The following SORCS1 variants were observed in gnomAD, a reference collection of about 807,000 sequenced individuals.
SORCS1 encodes the protein VPS10 domain-containing receptor SorCS1.
A neutral mutation model predicts 146.1 loss-of-function variants in SORCS1; 60 were observed. That is an observed-to-expected ratio of 0.41 (90% confidence interval 0.33 to 0.51). SORCS1 has a LOEUF of 0.51. Ranked by LOEUF, SORCS1 falls within the 20% of genes least tolerant of loss-of-function variation. The pLI, the probability that SORCS1 is intolerant of heterozygous loss-of-function variation, is 0.21. For synonymous variants in SORCS1, 637 were observed against 584.0 expected (o/e 1.09, Z -1.31); for missense variants, 1,352 against 1,487.6 (o/e 0.91, Z 1.50).
rs557233002 is a variant in SORCS1, at chr10:106,829,646, C to T, written c.654G>A (p.Glu218=). The T allele has an allele frequency of 1.2e-6, 2 of 1,607,324 alleles. No individual in the cohort carries two copies. The highest frequency in any genetic ancestry group is 1.3e-5 in the African/African-American group (1 of 74,960). Residue 218 remains glutamate, a synonymous_variant, in exon 3 of 26, where the codon GAG becomes GAA. Transcript: ENST00000263054. The stretch of plus-strand genomic sequence containing the variant: ...TCAAACCAACTTTATCATTCAGCTT[C>T]TCATAGGTTGTTCCATAATCGGTTG... ...WRSTDYGTTY[E]KLNDKVGLKT...
At chr10:106,888,273 G>C (rs753151705) in intron 2 of SORCS1, among the ~76,000 whole-genome samples, 1 of 152,162 alleles carries the variant, frequency 6.6e-6, no homozygotes, top group African/African-American at 2.4e-5. Flanking sequence ...TAACTTCATA[G>C]TCTCCTTATA....
the SORCS1 span, among the ~76,000 whole-genome samples, chr10:107,177,257 G>T: frequency 6.6e-6 from 1 of 151,896 alleles, no homozygotes; most frequent in Admixed American, 6.6e-5. Context: ...GTCATTCTTT[G>T]TCTTTCTTAT....
In SORCS1 at chr10:107,121,617, T is replaced by TA. The variant is rs536852436; in HGVS notation, c.558+42351dup. 7.4e-3 allele frequency among the ~76,000 whole-genome samples: 1,070 copies of TA among 144,878 alleles called. 5 individuals are homozygous for TA. The highest frequency in any genetic ancestry group is 0.012 in the African/African-American group (477 of 39,830). ...AACATTATCAAACATGATTCTACAG[T>TA]AAAAAAAAAAAATCACAGGGTATTA... On this transcript the variant is annotated intron_variant, in intron 1 of 25. Coordinates refer to ENST00000263054, the MANE Select transcript of SORCS1 (RefSeq NM_052918.5).
At chr10:106,765,778 A>G (rs1162396929) in intron 4 of SORCS1, among the ~76,000 whole-genome samples, 2 of 151,850 alleles carry the variant, frequency 1.3e-5, no homozygotes, top group Non-Finnish European at 2.9e-5. Flanking sequence ...TTGCTACTAG[A>G]TAAGAAATTC....
chr10:106,781,491 T>C (rs771439127), intron 3 of SORCS1, among the ~76,000 whole-genome samples: 1 of 152,182 alleles, frequency 6.6e-6, no homozygotes, highest in Non-Finnish European at 1.5e-5. Flanking sequence ...AATAAATGCT[T>C]TTCATAATGA....
intron 1 of SORCS1, among the ~76,000 whole-genome samples, chr10:107,080,568 T>C (rs1015452139): frequency 6.6e-6 from 1 of 152,184 alleles, no homozygotes; most frequent in South Asian, 2.1e-4. Flanking sequence ...AATCAGACAG[T>C]GCATTATTTT....
At chr10:106,957,175 T>G (rs1052453875) in intron 1 of SORCS1, among the ~76,000 whole-genome samples, 14 of 143,760 alleles carry the variant, frequency 9.7e-5, no homozygotes, top group East Asian at 8.1e-4. Flanking sequence ...GTTTTTTTTG[T>G]TTTTTTTTTT....
At chr10:107,002,703 T>C (rs894136318) in intron 1 of SORCS1, among the ~76,000 whole-genome samples, 3 of 152,146 alleles carry the variant, frequency 2.0e-5, no homozygotes, top group Non-Finnish European at 2.9e-5. Context: ...ACAGAGAATG[T>C]CGTATGTGTC....
At chr10:106,855,549 A>C (rs7904340) in intron 2 of SORCS1, among the ~76,000 whole-genome samples, 7,322 of 152,020 alleles carry the variant, frequency 0.048, 452 homozygotes, top group East Asian at 0.24. Context: ...GTTGCCCCAC[A>C]GTTCTTGCTC....
At chr10:107,170,459 TAAG>T in the SORCS1 span, among the ~76,000 whole-genome samples, 1 of 152,334 alleles carries the variant, frequency 6.6e-6, no homozygotes, top group Non-Finnish European at 1.5e-5. Flanking sequence ...TTCTATATGA[TAAG>T]AAGTCTTTGG....
At chr10:106,990,935 A>G (rs981077092) in intron 1 of SORCS1, among the ~76,000 whole-genome samples, 19 of 152,168 alleles carry the variant, frequency 1.2e-4, no homozygotes, top group African/African-American at 4.6e-4. Flanking sequence ...TTGTGATTTC[A>G]CAGTTATAAT....
At chr10:107,090,347 G>C (rs1018760081) in intron 1 of SORCS1, among the ~76,000 whole-genome samples, 6 of 152,164 alleles carry the variant, frequency 3.9e-5, no homozygotes, top group Admixed American at 3.3e-4. Context: ...GTAAGTTGTG[G>C]AGAAATCAAA....
chr10:106,898,545 C>T (rs1010377108), intron 2 of SORCS1, among the ~76,000 whole-genome samples: 1 of 152,166 alleles, frequency 6.6e-6, no homozygotes, highest in Non-Finnish European at 1.5e-5. Context: ...AAACAAATGG[C>T]CACTGTCACT....
intron 5 of SORCS1, among the ~76,000 whole-genome samples, chr10:106,751,467 A>G (rs78864644): frequency 0.014 from 2,164 of 152,312 alleles, 33 homozygotes; most frequent in African/African-American, 0.047. Context: ...AAGACCTGTC[A>G]AAATCAGCAG....
chr10:107,004,067 T>C (rs944953033), intron 1 of SORCS1, among the ~76,000 whole-genome samples: 2 of 151,102 alleles, frequency 1.3e-5, no homozygotes, highest in Non-Finnish European at 2.9e-5. Context: ...CCCAGCTAGT[T>C]TGGAAGGCTG....
intron 24 of SORCS1, 75 bp downstream of exon 24, chr10:106,597,276 T>C: frequency 1.7e-6 from 2 of 1,201,242 alleles, no homozygotes; most frequent in Admixed American, 3.6e-5. Flanking sequence ...CTAGCCTTTT[T>C]ATGAGGAAGG....
intron 2 of SORCS1, among the ~76,000 whole-genome samples, chr10:106,896,283 G>T (rs1374330989): frequency 6.6e-6 from 1 of 152,012 alleles, no homozygotes; most frequent in East Asian, 1.9e-4. Context: ...ATAGAAAGTA[G>T]CTCAGTGTGG....
In SORCS1 at chr10:106,577,477, G is replaced by T; in HGVS notation, c.3450C>A (p.His1150Gln). The change falls in exon 26 of 26, where the codon CAC (histidine) becomes CAA (glutamine). Residue 1150 changes from histidine (H) to glutamine (Q), a missense_variant. Transcript: ENST00000263054. ...GCTTTGGCGTTGAAGGCGGAGTGGC[G>T]TGTCTTGCTCTTTGCAATCGGAGAG... Reference protein sequence around the residue: ...DSSLRLQRARHATPPSTPKRG... With the variant: ...DSSLRLQRARQATPPSTPKRG... 1 of 1,602,766 alleles carries T rather than the reference G, an allele frequency of 6.2e-7. No individual in the cohort carries two copies. The highest frequency in any genetic ancestry group is 8.5e-7 in the Non-Finnish European group (1 of 1,173,238).
At chr10:107,036,527 A>G (rs1023715993) in intron 1 of SORCS1, among the ~76,000 whole-genome samples, 1 of 152,196 alleles carries the variant, frequency 6.6e-6, no homozygotes, top group Non-Finnish European at 1.5e-5. Flanking sequence ...TGACACTGGC[A>G]TAAGTGAACT....
Sources: allele counts gnomAD v4.1 joint callset (sites outside exome capture counted in the v4.1 genomes callset), GRCh38; gene constraint gnomAD v4.1.1; transcripts MANE v1.5; gene names NCBI Gene and HGNC (gene_info 2026-07-23, HGNC 2026-07-21).